Variants in HS3ST4 observed in about 807,000 individuals in gnomAD.
The protein encoded by HS3ST4 is heparan sulfate-glucosamine 3-sulfotransferase 4.
A neutral mutation model predicts 29.2 loss-of-function variants in HS3ST4; 17 were observed. The observed-to-expected ratio is 0.58, with a 90% CI of 0.40 to 0.87. HS3ST4 has a LOEUF of 0.87. Ranked by LOEUF, HS3ST4 falls within the 40% of genes least tolerant of loss-of-function variation. The pLI is 0.00. For missense variants in HS3ST4, 627 were observed against 634.5 expected (o/e 0.99, Z 0.13); for synonymous variants, 314 against 285.7 (o/e 1.10, Z -1.00).
chr16:25,805,818 C>T (rs947482486), intron 1 of HS3ST4, among the ~76,000 whole-genome samples: 2 of 152,138 alleles, frequency 1.3e-5, no homozygotes, highest in Admixed American at 1.3e-4. Flanking sequence ...CTAGGTCCAG[C>T]TTGCATTAGC....
chr16:25,805,696 T>A (rs1966983027), intron 1 of HS3ST4, among the ~76,000 whole-genome samples: 2 of 152,368 alleles, frequency 1.3e-5, no homozygotes, highest in African/African-American at 2.4e-5. Flanking sequence ...TACTTCTTTT[T>A]AAAAATTTTT....
intron 1 of HS3ST4, among the ~76,000 whole-genome samples, chr16:26,054,117 A>G (rs1419851776): frequency 6.6e-6 from 1 of 152,164 alleles, no homozygotes; most frequent in African/African-American, 2.4e-5. Context: ...TAGCAGGTGG[A>G]GACAATCCTA....
chr16:25,762,893 A>AAAAG (rs1026005791), intron 1 of HS3ST4, among the ~76,000 whole-genome samples: 2 of 149,206 alleles, frequency 1.3e-5, no homozygotes, highest in African/African-American at 2.5e-5. Flanking sequence ...AAAAAAAAAA[A>AAAAG]AAAAAAGAAA....
At chr16:25,712,681 A>C (rs1173236420) in intron 1 of HS3ST4, among the ~76,000 whole-genome samples, 2 of 152,170 alleles carry the variant, frequency 1.3e-5, no homozygotes, top group South Asian at 2.1e-4. Flanking sequence ...TTAAAAAAAA[A>C]CAAAAACCCA....
chr16:26,096,785 G>A (rs1898931718), intron 1 of HS3ST4, among the ~76,000 whole-genome samples: 3 of 152,024 alleles, frequency 2.0e-5, no homozygotes, highest in Non-Finnish European at 4.4e-5. Context: ...AAAAGAGGAA[G>A]TCAGATTGTC....
At chr16:25,703,216 T>C (rs1416243985) in intron 1 of HS3ST4, among the ~76,000 whole-genome samples, 1 of 152,016 alleles carries the variant, frequency 6.6e-6, no homozygotes, top group Non-Finnish European at 1.5e-5. Flanking sequence ...TCAATGTGGA[T>C]GCACTCATGT....
intron 1 of HS3ST4, among the ~76,000 whole-genome samples, chr16:26,108,029 T>C (rs999233066): frequency 6.6e-6 from 1 of 152,192 alleles, no homozygotes; most frequent in Non-Finnish European, 1.5e-5. Flanking sequence ...TTCTATTTTC[T>C]ATGGAAAATA....
intron 1 of HS3ST4, among the ~76,000 whole-genome samples, chr16:25,891,004 A>G (rs1968002342): frequency 6.6e-6 from 1 of 152,224 alleles, no homozygotes; most frequent in Non-Finnish European, 1.5e-5. Flanking sequence ...CTGAGGGGTC[A>G]GAAACAGCTT....
chr16:25,734,863 G>A (rs182036343), intron 1 of HS3ST4, among the ~76,000 whole-genome samples: 2 of 151,858 alleles, frequency 1.3e-5, no homozygotes, highest in Admixed American at 1.3e-4. Flanking sequence ...GGCGACCAAA[G>A]CCTACACTGG....
At chr16:25,738,157 G>C (rs920530548) in intron 1 of HS3ST4, among the ~76,000 whole-genome samples, 1 of 152,056 alleles carries the variant, frequency 6.6e-6, no homozygotes, top group Non-Finnish European at 1.5e-5. Flanking sequence ...ACCCTCCTCG[G>C]CCTGCCCAAA....
chr16:25,894,498 C>CTT (rs371776075), intron 1 of HS3ST4, among the ~76,000 whole-genome samples: 2 of 140,606 alleles, frequency 1.4e-5, no homozygotes, highest in African/African-American at 2.6e-5. Flanking sequence ...CTTTTTCTTT[C>CTT]TTTTTTTTTT....
chr16:25,949,044 T>A (rs544763184), intron 1 of HS3ST4, among the ~76,000 whole-genome samples: 1 of 88,828 alleles, frequency 1.1e-5, no homozygotes, highest in Admixed American at 1.3e-4. Context: ...GCAAGTGTTA[T>A]CTGGTAATTT....
intron 1 of HS3ST4, among the ~76,000 whole-genome samples, chr16:25,906,171 G>T (rs1968177629): frequency 1.3e-5 from 2 of 152,152 alleles, no homozygotes; most frequent in African/African-American, 4.8e-5. Context: ...GAGATTTGGG[G>T]ATCTTTTGTC....
chr16:25,846,640 T>C (rs1476068491), intron 1 of HS3ST4, among the ~76,000 whole-genome samples: 1 of 152,170 alleles, frequency 6.6e-6, no homozygotes, highest in African/African-American at 2.4e-5. Context: ...GGCAGTGAAT[T>C]CTGTTATATT....
chr16:25,814,548 T>A (rs1167577395), intron 1 of HS3ST4, among the ~76,000 whole-genome samples: 1 of 152,146 alleles, frequency 6.6e-6, no homozygotes, highest in East Asian at 1.9e-4. Context: ...AGTTTCACCA[T>A]GTTGGTCAGG....
rs148013806 is a variant in HS3ST4, at chr16:26,059,817, G to A, written c.735-75795G>A. Among the ~76,000 whole-genome samples the A allele has an allele frequency of 1.5e-4, 22 of 151,664 alleles. No homozygotes were observed. In the East Asian group the frequency reaches 2.7e-3, roughly 19 times the overall value. ...TTTTGAGATGGAGTCTTGCTCCGTC[G>A]CCCAGGCTGGCATGCAGTGGCACAA... On this transcript the variant is annotated intron_variant, in intron 1 of 1. Coordinates refer to ENST00000331351, the MANE Select transcript of HS3ST4 (RefSeq NM_006040.3).
chr16:25,827,684 C>G (rs1596583495), intron 1 of HS3ST4, among the ~76,000 whole-genome samples: 1 of 152,078 alleles, frequency 6.6e-6, no homozygotes, highest in East Asian at 1.9e-4. Context: ...TCTCGTTTCT[C>G]CCTTACATTA....
At chr16:25,986,569 C>A (rs1969065571) in intron 1 of HS3ST4, among the ~76,000 whole-genome samples, 3 of 152,222 alleles carry the variant, frequency 2.0e-5, no homozygotes. Flanking sequence ...CCCTCGTTGA[C>A]TTTGCACTGC....
intron 1 of HS3ST4, among the ~76,000 whole-genome samples, chr16:25,853,458 G>A (rs1967541913): frequency 6.6e-6 from 1 of 152,072 alleles, no homozygotes; most frequent in Non-Finnish European, 1.5e-5. Flanking sequence ...AGTAGCAAGA[G>A]TGGCATCCTT....
Sources: gnomAD v4.1 joint callset for allele counts (sites outside exome capture counted in the v4.1 genomes callset) on GRCh38, gnomAD v4.1.1 for gene constraint, MANE v1.5 for transcripts, NCBI Gene and HGNC (gene_info 2026-07-23, HGNC 2026-07-21) for gene names.